ATAD3A: variants seen among roughly 807,000 people sequenced by gnomAD.
The protein encoded by ATAD3A is ATPase family AAA domain-containing protein 3A.
In ATAD3A, 46 loss-of-function variants were observed where a neutral mutation model predicts 73.8. The observed-to-expected ratio is 0.62, with a 90% CI of 0.49 to 0.80. ATAD3A has a LOEUF of 0.80. Among genes scored for constraint, ATAD3A ranks in the 30% least tolerant of loss-of-function variants. The pLI, the probability that ATAD3A is intolerant of heterozygous loss-of-function variation, is 0.00. For synonymous variants in ATAD3A, 319 were observed against 350.0 expected, an observed-to-expected ratio of 0.91 and a Z score of 0.99; for missense variants, 705 against 838.0, an observed-to-expected ratio of 0.84 and a Z score of 1.96.
At chr1:1,518,516 T>G in intron 4 of ATAD3A, among the ~76,000 whole-genome samples, 1 of 64,450 alleles carries the variant, frequency 1.6e-5, no homozygotes, top group Admixed American at 2.3e-4. Context: ...CCCCCCCACA[T>G]GGGCGCACAG....
Position 1,520,541 on chromosome 1 carries a change from C to T in ATAD3A, c.681-7C>T, listed in dbSNP as rs1288157658. ...CCTTCCTGGTCACACCACTGCTTTCCCCGCAGGACGGCTGGCACCTTGTTT... is the reference window on the plus strand; with the variant it reads ...CCTTCCTGGTCACACCACTGCTTTCTCCGCAGGACGGCTGGCACCTTGTTT... On this transcript the variant is annotated splice_region_variant and splice_polypyrimidine_tract_variant and intron_variant, in intron 6 of 15. Coordinates refer to ENST00000378756, the MANE Select transcript of ATAD3A (RefSeq NM_001170535.3). This position sits in a 1 kb window ranked among gnomAD's most constrained non-coding sequence, Gnocchi z 4.0. 4 of 1,614,066 alleles carry T rather than the reference C, an allele frequency of 2.5e-6. No individual in the cohort carries two copies. The highest frequency in any genetic ancestry group is 3.4e-6 in the Non-Finnish European group (4 of 1,179,900).
chr1:1,518,808 C>T, intron 4 of ATAD3A, 113 bp from the exon 5 acceptor site: 1 of 1,592,060 alleles, frequency 6.3e-7, no homozygotes, highest in East Asian at 2.3e-5. Context: ...CCGTCACACC[C>T]CGCAAACGGG....
intron 11 of ATAD3A, 146 bp from the exon 12 acceptor site, chr1:1,525,094 C>G (rs1007747550): frequency 1.1e-4 from 129 of 1,131,476 alleles, no homozygotes; most frequent in Non-Finnish European, 1.5e-4. Flanking sequence ...CGGCTTCTGT[C>G]GAGTCCAGGA....
chr1:1,529,477 T>C, intron 15 of ATAD3A, 146 bp downstream of exon 15: 1 of 1,449,298 alleles, frequency 6.9e-7, no homozygotes, highest in Non-Finnish European at 9.1e-7. Context: ...CAGGGCCCCC[T>C]GCCCCAGTCA....
chr1:1,527,289 C>G, intron 13 of ATAD3A: 1 of 1,213,638 alleles, frequency 8.2e-7, no homozygotes, highest in Non-Finnish European at 1.1e-6. Context: ...GGGTCCTTCC[C>G]AGAGAGGCAA....
At chr1:1,527,570 T>C in intron 13 of ATAD3A, 125 bp from the exon 14 acceptor site, 2 of 1,306,508 alleles carry the variant, frequency 1.5e-6, no homozygotes, top group Non-Finnish European at 2.1e-6. Flanking sequence ...CGACCAGGGC[T>C]GTGCCCGTGT....
intron 4 of ATAD3A, among the ~76,000 whole-genome samples, chr1:1,518,018 A>G (rs1054899953): frequency 1.3e-5 from 2 of 151,794 alleles, no homozygotes; most frequent in Non-Finnish European, 2.9e-5. Context: ...CACTCCTCGC[A>G]CACACACTCC....
intron 15 of ATAD3A, among the ~76,000 whole-genome samples, chr1:1,533,155 G>A (rs1207851142): frequency 1.3e-5 from 2 of 152,170 alleles, no homozygotes; most frequent in African/African-American, 4.8e-5. Flanking sequence ...CTGGGACGGG[G>A]CGAGGGACCC....
intron 12 of ATAD3A, among the ~76,000 whole-genome samples, chr1:1,525,764 G>C (rs1412400945): frequency 6.6e-6 from 1 of 152,194 alleles, no homozygotes; most frequent in Non-Finnish European, 1.5e-5. Flanking sequence ...CTGGAGTGCA[G>C]GGGCGATCAC....
At chr1:1,527,227 T>C (rs567563855) in intron 13 of ATAD3A, 62 of 1,300,782 alleles carry the variant, frequency 4.8e-5, no homozygotes, top group Admixed American at 9.3e-5. Flanking sequence ...CTCAGGCACG[T>C]TGGGCTCCCA....
In ATAD3A at chr1:1,520,880, C is replaced by T. The variant is rs1641568069; in HGVS notation, c.750+263C>T. 6.6e-6 allele frequency among the ~76,000 whole-genome samples: 1 copy of T among 152,122 alleles called. No individual in the cohort carries two copies. The highest frequency in any genetic ancestry group is 2.1e-4 in the South Asian group (1 of 4,820). ...TATTAGCTGGGTGTGGTGGCAGCCCCTGTGGTCCCACTACTCAAGAGGCTG... is the reference window on the plus strand; with the variant it reads ...TATTAGCTGGGTGTGGTGGCAGCCCTTGTGGTCCCACTACTCAAGAGGCTG... On this transcript the variant is annotated intron_variant, in intron 7 of 15. Transcript: ENST00000378756. This position sits in a 1 kb window ranked among gnomAD's most constrained non-coding sequence, Gnocchi z 4.0.
chr1:1,523,622 G>T lies in ATAD3A; in HGVS notation c.963+55G>T. 6.2e-7 allele frequency: 1 copy of T among 1,610,324 alleles called. No individual in the cohort carries two copies. Among genetic ancestry groups the T allele is most frequent in the Non-Finnish European group, 8.5e-7 (1 of 1,178,890 alleles). The stretch of plus-strand genomic sequence containing the variant: ...CGCAGGGAGGGGACCCTGGAGCTGG[G>T]CCGGGCTGTGGCCCTTGCTGGCGCT... On this transcript the variant is annotated intron_variant, in intron 9 of 15. Transcript: ENST00000378756. The surrounding 1 kb of genome is among the most constrained non-coding windows in gnomAD (Gnocchi z 5.1).
intron 2 of ATAD3A, chr1:1,516,940 A>G (rs986271884): frequency 2.9e-6 from 2 of 681,670 alleles, no homozygotes; most frequent in Admixed American, 6.1e-5. Context: ...TCGAACTACT[A>G]ACCTCAGTTG....
rs2767470 is a variant in ATAD3A, at chr1:1,520,398, T to C, written c.680+92T>C. 1.3e-6 allele frequency: 2 copies of C among 1,539,222 alleles called. No individual in the cohort carries two copies. The highest frequency in any genetic ancestry group is 1.8e-6 in the Non-Finnish European group (2 of 1,135,506). On this transcript the variant is annotated intron_variant, in intron 6 of 15. Transcript: ENST00000378756. This position sits in a 1 kb window ranked among gnomAD's most constrained non-coding sequence, Gnocchi z 4.0. ...GGCGCTCTCCAGCTCTTCCAGGCCT[T>C]GCCGCCGTAGGCTGACTCCTTGGTG...
chr1:1,514,735 G>A (rs983920129), intron 1 of ATAD3A, among the ~76,000 whole-genome samples: 3 of 152,186 alleles, frequency 2.0e-5, no homozygotes, highest in Non-Finnish European at 4.4e-5. Flanking sequence ...AGTTAGTGAC[G>A]TGTTTGCTGC....
chr1:1,518,853 T>TCCC (rs1641483643), intron 4 of ATAD3A, 68 bp from the exon 5 acceptor site: 3 of 1,591,566 alleles, frequency 1.9e-6, no homozygotes, highest in Admixed American at 1.7e-5. Flanking sequence ...GGCACAGTCA[T>TCCC]CCCCCGCACA....
chr1:1,516,719 A>G (rs547144804), intron 2 of ATAD3A, among the ~76,000 whole-genome samples: 3 of 151,046 alleles, frequency 2.0e-5, no homozygotes, highest in South Asian at 2.1e-4. Flanking sequence ...GCCTTGTTTC[A>G]TATTATTATT....
chr1:1,530,267 G>A (rs1458061000), intron 15 of ATAD3A, among the ~76,000 whole-genome samples: 1 of 152,206 alleles, frequency 6.6e-6, no homozygotes, highest in Non-Finnish European at 1.5e-5. Context: ...GGGTATGGTG[G>A]TGGCTGACGC....
At chr1:1,518,138 C>G (rs1400097981) in intron 4 of ATAD3A, among the ~76,000 whole-genome samples, 5 of 150,908 alleles carry the variant, frequency 3.3e-5, no homozygotes, top group Admixed American at 3.3e-4. Context: ...CACTCACACA[C>G]CCGCAAACAT....
Sources: allele counts gnomAD v4.1 joint callset (sites outside exome capture counted in the v4.1 genomes callset), GRCh38; gene constraint gnomAD v4.1.1; non-coding constraint Gnocchi (gnomAD v3.1); transcripts MANE v1.5; gene names NCBI Gene and HGNC (gene_info 2026-07-23, HGNC 2026-07-21).